Variants in LIMCH1 observed in about 807,000 individuals in gnomAD.
The protein encoded by LIMCH1 is LIM and calponin homology domains-containing protein 1.
LIMCH1 carries 113 observed loss-of-function variants against 176.5 expected under a neutral mutation model. The ratio of observed to expected loss-of-function variants is 0.64; its 90% confidence interval spans 0.55 to 0.75. The LOEUF is 0.75. Among genes scored for constraint, LIMCH1 ranks in the 30% least tolerant of loss-of-function variants. The probability of loss-of-function intolerance (pLI) is 0.00; values close to 1 mark genes in which losing one functional copy is unlikely to be tolerated. For synonymous variants in LIMCH1, 619 were observed against 645.9 expected (o/e 0.96, Z 0.63); for missense variants, 1,674 against 1,814.9 (o/e 0.92, Z 1.41).
intron 4 of LIMCH1, among the ~76,000 whole-genome samples, chr4:41,610,394 T>C (rs1180208741): frequency 6.6e-6 from 1 of 152,176 alleles, no homozygotes; most frequent in Non-Finnish European, 1.5e-5. Context: ...TAAATTAGGC[T>C]CAAGACATCT....
intron 1 of LIMCH1, among the ~76,000 whole-genome samples, chr4:41,471,358 G>A (rs1418603930): frequency 6.6e-6 from 1 of 152,170 alleles, no homozygotes; most frequent in African/African-American, 2.4e-5. Context: ...AAAAGCTTGA[G>A]GATGGTGGAA....
At chr4:41,387,850 C>T (rs1311112691) in intron 1 of LIMCH1, among the ~76,000 whole-genome samples, 1 of 152,240 alleles carries the variant, frequency 6.6e-6, no homozygotes, top group Non-Finnish European at 1.5e-5. Context: ...GGCTCAATGC[C>T]TGTAATCCTA....
chr4:41,652,353 A>G (rs1160186903), intron 18 of LIMCH1, among the ~76,000 whole-genome samples: 1 of 152,140 alleles, frequency 6.6e-6, no homozygotes, highest in Non-Finnish European at 1.5e-5. Flanking sequence ...TTTTCTCACC[A>G]TGGTAACACG....
At chr4:41,648,881 C>T (rs896215994) in intron 17 of LIMCH1, among the ~76,000 whole-genome samples, 18 of 150,720 alleles carry the variant, frequency 1.2e-4, no homozygotes, top group African/African-American at 4.1e-4. Flanking sequence ...AAAAAAAGAA[C>T]TAGAATAGAA....
At chr4:41,636,377 T>C (rs2093595036) in intron 13 of LIMCH1, among the ~76,000 whole-genome samples, 1 of 148,054 alleles carries the variant, frequency 6.8e-6, no homozygotes, top group Non-Finnish European at 1.5e-5. Context: ...TTGCCTTTAC[T>C]TTTTGATCTC....
In LIMCH1 at chr4:41,699,532, T is replaced by C. The variant is rs1281402940; in HGVS notation, c.*2347T>C. ...TTTTTCCAATGCAGCATAATGAGTA[T>C]GATCTATTTCTTTTCAAATAATCTT... On this transcript the variant is annotated 3_prime_UTR_variant, in exon 32 of 32. Coordinates refer to ENST00000503057, the MANE Select transcript of LIMCH1 (RefSeq NM_001330672.2). 6.6e-6 allele frequency: 1 copy of C among 152,080 alleles called. No homozygotes were observed. The highest frequency in any genetic ancestry group is 2.4e-5 in the African/African-American group (1 of 41,400). The allele number at this position is 152,080 out of a possible 1,614,324, so 9.4% of individuals were successfully genotyped here. A position where few individuals can be genotyped will look rare whatever the true frequency, so the allele number is the denominator to read the frequency against.
intron 1 of LIMCH1, among the ~76,000 whole-genome samples, chr4:41,451,209 G>A (rs1322292902): frequency 2.0e-5 from 3 of 152,068 alleles, no homozygotes; most frequent in Non-Finnish European, 2.9e-5. Flanking sequence ...TCCGCCTCCC[G>A]GGTTCAAGCT....
intron 1 of LIMCH1, among the ~76,000 whole-genome samples, chr4:41,465,954 C>CTTTTT (rs34784602): frequency 4.6e-5 from 5 of 108,274 alleles, no homozygotes; most frequent in Non-Finnish European, 7.3e-5. Context: ...CTGTTTGGCT[C>CTTTTT]TTTTTTTTTT....
intron 1 of LIMCH1, among the ~76,000 whole-genome samples, chr4:41,412,045 T>A (rs184094694): frequency 2.7e-5 from 4 of 150,078 alleles, no homozygotes; most frequent in Non-Finnish European, 4.4e-5. Flanking sequence ...TGTGCATTTT[T>A]AAAAACCAGC....
At chr4:41,553,840 A>G (rs1365014301) in intron 1 of LIMCH1, among the ~76,000 whole-genome samples, 1 of 152,140 alleles carries the variant, frequency 6.6e-6, no homozygotes, top group Non-Finnish European at 1.5e-5. Context: ...TTTACCTACT[A>G]TGTATTGCAT....
intron 18 of LIMCH1, among the ~76,000 whole-genome samples, chr4:41,655,396 G>A (rs1220238098): frequency 6.6e-6 from 1 of 152,162 alleles, no homozygotes; most frequent in Non-Finnish European, 1.5e-5. Flanking sequence ...CTTTAATATT[G>A]TCATGCAACA....
intron 2 of LIMCH1, among the ~76,000 whole-genome samples, chr4:41,515,708 C>T (rs1203466517): frequency 6.6e-6 from 1 of 152,198 alleles, no homozygotes; most frequent in Non-Finnish European, 1.5e-5. Context: ...TAGTGAGTTA[C>T]AGGGCTATGA....
chr4:41,660,084 ATATGTT>A (rs1359779484), intron 18 of LIMCH1, among the ~76,000 whole-genome samples: 1 of 152,104 alleles, frequency 6.6e-6, no homozygotes, highest in Non-Finnish European at 1.5e-5. Context: ...CTTTTTTTCT[ATATGTT>A]TATGTATAGG....
intron 2 of LIMCH1, among the ~76,000 whole-genome samples, chr4:41,518,109 G>A (rs1359375676): frequency 6.6e-6 from 1 of 152,148 alleles, no homozygotes; most frequent in Non-Finnish European, 1.5e-5. Flanking sequence ...ATAATTACTA[G>A]AATTGAATTT....
At chr4:41,469,833 C>T (rs2066692155) in intron 1 of LIMCH1, among the ~76,000 whole-genome samples, 1 of 152,044 alleles carries the variant, frequency 6.6e-6, no homozygotes, top group South Asian at 2.1e-4. Context: ...AGGTGCCTGC[C>T]ACCAGGCTCA....
intron 4 of LIMCH1, among the ~76,000 whole-genome samples, chr4:41,609,882 A>C (rs1400531060): frequency 2.0e-5 from 3 of 152,222 alleles, no homozygotes; most frequent in Non-Finnish European, 4.4e-5. Flanking sequence ...AGTGACCAGA[A>C]AATGAGATAT....
chr4:41,548,774 G>T (rs984568788), intron 1 of LIMCH1, among the ~76,000 whole-genome samples: 3 of 152,016 alleles, frequency 2.0e-5, no homozygotes, highest in Admixed American at 2.0e-4. Flanking sequence ...GAGAAGAGTC[G>T]TGAAAAACTG....
At chr4:41,583,554 C>CT (rs775546416) in intron 1 of LIMCH1, among the ~76,000 whole-genome samples, 1 of 152,026 alleles carries the variant, frequency 6.6e-6, no homozygotes, top group Non-Finnish European at 1.5e-5. Flanking sequence ...TTTGAATATA[C>CT]TTTTTTTTCA....
At chr4:41,570,216 C>T (rs184667347) in intron 1 of LIMCH1, among the ~76,000 whole-genome samples, 2 of 152,314 alleles carry the variant, frequency 1.3e-5, no homozygotes, top group East Asian at 1.9e-4. Flanking sequence ...CTGCCTGGCA[C>T]GCATAATTCT....
Sources: allele counts gnomAD v4.1 joint callset (sites outside exome capture counted in the v4.1 genomes callset), GRCh38; gene constraint gnomAD v4.1.1; transcripts MANE v1.5; gene names NCBI Gene and HGNC (gene_info 2026-07-23, HGNC 2026-07-21).